The following LRRC1 variants were observed in gnomAD, a reference collection of about 807,000 sequenced individuals.
LRRC1 encodes leucine-rich repeat-containing protein 1.
LRRC1 carries 28 observed loss-of-function variants against 69.9 expected under a neutral mutation model. The ratio of observed to expected loss-of-function variants is 0.40; its 90% CI spans 0.30 to 0.55. The LOEUF (loss-of-function observed/expected upper bound fraction) is 0.55. Ranked by LOEUF, LRRC1 falls within the 20% of genes least tolerant of loss-of-function variation. The probability of loss-of-function intolerance (pLI) is 0.47; values close to 1 mark genes in which losing one functional copy is unlikely to be tolerated. For missense variants in LRRC1, 498 were observed against 609.0 expected (o/e 0.82, Z 1.92); for synonymous variants, 236 against 240.2 (o/e 0.98, Z 0.16).
chr6:53,845,034 A>G (rs1323889371), intron 2 of LRRC1, among the ~76,000 whole-genome samples: 3 of 152,024 alleles, frequency 2.0e-5, no homozygotes, highest in Non-Finnish European at 4.4e-5. Flanking sequence ...GAAACCTCCA[A>G]CTCTACTAAA....
chr6:53,864,915 A>G (rs1205861277), intron 2 of LRRC1, among the ~76,000 whole-genome samples: 4 of 152,158 alleles, frequency 2.6e-5, no homozygotes, highest in African/African-American at 7.2e-5. Flanking sequence ...ATAGTTGGAA[A>G]GCAATTCCAG....
At chr6:53,809,605 G>A (rs144681247) in intron 1 of LRRC1, among the ~76,000 whole-genome samples, 4 of 152,156 alleles carry the variant, frequency 2.6e-5, no homozygotes, top group African/African-American at 9.7e-5. Context: ...ATATTTACTT[G>A]TGTACTTTAT....
At chr6:53,868,597 G>A (rs899153638) in intron 2 of LRRC1, among the ~76,000 whole-genome samples, 1 of 152,110 alleles carries the variant, frequency 6.6e-6, no homozygotes, top group African/African-American at 2.4e-5. Flanking sequence ...ATCCCCTCAC[G>A]TAGTGTTCTA....
At chr6:53,832,441 G>A (rs911892888) in intron 1 of LRRC1, among the ~76,000 whole-genome samples, 3 of 152,060 alleles carry the variant, frequency 2.0e-5, no homozygotes, top group East Asian at 1.9e-4. Flanking sequence ...TTGAATCCAC[G>A]GCACAATGCC....
chr6:53,881,911 A>G (rs1324885519), intron 3 of LRRC1, among the ~76,000 whole-genome samples: 1 of 152,214 alleles, frequency 6.6e-6, no homozygotes, highest in Non-Finnish European at 1.5e-5. Flanking sequence ...TTCTTTGTAA[A>G]TTTTAAATCA....
At chr6:53,902,954 G>A (rs1581912119) in intron 9 of LRRC1, among the ~76,000 whole-genome samples, 2 of 152,294 alleles carry the variant, frequency 1.3e-5, no homozygotes, top group East Asian at 3.9e-4. Context: ...TGTCCCAGTT[G>A]TGGTGCTTTG....
intron 2 of LRRC1, among the ~76,000 whole-genome samples, chr6:53,846,374 A>G (rs1447328181): frequency 1.3e-5 from 2 of 152,198 alleles, no homozygotes; most frequent in African/African-American, 4.8e-5. Context: ...CACAGTGCAT[A>G]TGGTCTCTTC....
At chr6:53,816,730 G>A (rs1764961002) in intron 1 of LRRC1, among the ~76,000 whole-genome samples, 1 of 149,048 alleles carries the variant, frequency 6.7e-6, no homozygotes, top group South Asian at 2.1e-4. Context: ...ATGGAGGGCA[G>A]AGGGAAGGAT....
At position 53,920,683 on chromosome 6, in the gene LRRC1, C is replaced by G. The variant is rs746175801; in HGVS notation, c.1338C>G (p.Ala446=). 2 of 1,614,054 alleles carry G rather than the reference C, an allele frequency of 1.2e-6. No individual in the cohort carries two copies. The highest frequency in any genetic ancestry group is 2.7e-5 in the African/African-American group (2 of 74,924). Residue 446 remains alanine (A), a synonymous_variant, in exon 13 of 14, where the codon GCC becomes GCG. Coordinates refer to ENST00000370888, the MANE Select transcript of LRRC1 (RefSeq NM_018214.5). ...ENLVNDVSDE[A]WNERAVNRVS... Reference sequence around the variant, plus strand: ...TGGTAAATGATGTCTCTGATGAAGCCTGGAACGAGCGTGCTGTCAACAGAG... The same window carrying G: ...TGGTAAATGATGTCTCTGATGAAGCGTGGAACGAGCGTGCTGTCAACAGAG...
intron 2 of LRRC1, among the ~76,000 whole-genome samples, chr6:53,860,580 A>G (rs1463316387): frequency 6.6e-6 from 1 of 152,158 alleles, no homozygotes; most frequent in Non-Finnish European, 1.5e-5. Flanking sequence ...ATTATAGTAG[A>G]AGGATTTTTT....
intron 1 of LRRC1, among the ~76,000 whole-genome samples, chr6:53,830,394 T>C (rs1314820266): frequency 6.6e-6 from 1 of 152,240 alleles, no homozygotes; most frequent in East Asian, 1.9e-4. Flanking sequence ...TGGTCTGCCT[T>C]GTTCCTTAAA....
intron 9 of LRRC1, among the ~76,000 whole-genome samples, chr6:53,903,957 T>C (rs1768148916): frequency 1.3e-5 from 2 of 152,182 alleles, no homozygotes; most frequent in Non-Finnish European, 2.9e-5. Context: ...TCCCTGCCCA[T>C]GCGGCACCCT....
At chr6:53,897,014 T>C (rs1336361738) in intron 6 of LRRC1, 122 bp downstream of exon 6, 1 of 690,366 alleles carries the variant, frequency 1.4e-6, no homozygotes, top group Non-Finnish European at 2.5e-6. Flanking sequence ...TTGGGGACAC[T>C]AGAGAACCAG....
At chr6:53,869,795 A>T (rs535831123) in intron 2 of LRRC1, among the ~76,000 whole-genome samples, 2 of 152,338 alleles carry the variant, frequency 1.3e-5, no homozygotes, top group East Asian at 3.9e-4. Context: ...AGCCCAAGGA[A>T]CTTGAGAGCT....
chr6:53,840,945 C>G (rs1303514156), intron 1 of LRRC1, among the ~76,000 whole-genome samples: 1 of 150,540 alleles, frequency 6.6e-6, no homozygotes, highest in Non-Finnish European at 1.5e-5. Flanking sequence ...CGCACATTCT[C>G]TTTCTTGCAT....
chr6:53,795,463 C>G, intron 1 of LRRC1, 48 bp downstream of exon 1: 1 of 1,557,124 alleles, frequency 6.4e-7, no homozygotes, highest in Non-Finnish European at 8.7e-7. Flanking sequence ...GTCTGCTGTC[C>G]CTTCCGCTCC....
chr6:53,872,663 G>A (rs1449062315), intron 2 of LRRC1, among the ~76,000 whole-genome samples: 1 of 151,222 alleles, frequency 6.6e-6, no homozygotes, highest in Non-Finnish European at 1.5e-5. Flanking sequence ...CTATTTCTAT[G>A]AAGAATATCA....
intron 2 of LRRC1, among the ~76,000 whole-genome samples, chr6:53,877,139 A>C (rs530984629): frequency 6.6e-6 from 1 of 152,242 alleles, no homozygotes; most frequent in Non-Finnish European, 1.5e-5. Context: ...GCTCAACACT[A>C]TGTGGAAGCT....
intron 11 of LRRC1, 93 bp from the exon 12 acceptor site, chr6:53,919,405 T>G: frequency 9.3e-7 from 1 of 1,074,514 alleles, no homozygotes; most frequent in Non-Finnish European, 1.3e-6. Flanking sequence ...GGAAGCTCCT[T>G]TTAATTTTTC....
Sources: allele counts gnomAD v4.1 joint callset (sites outside exome capture counted in the v4.1 genomes callset), GRCh38; gene constraint gnomAD v4.1.1; transcripts MANE v1.5; gene names NCBI Gene and HGNC (gene_info 2026-07-23, HGNC 2026-07-21).